The following DAB1 variants were observed in gnomAD, a reference collection of about 807,000 sequenced individuals.
The protein encoded by DAB1 is DAB adaptor protein 1.
A neutral mutation model predicts 64.6 loss-of-function variants in DAB1; 15 were observed. That is an observed-to-expected ratio of 0.23 (90% confidence interval 0.16 to 0.36). The LOEUF (loss-of-function observed/expected upper bound fraction) is 0.36, where lower values mean the gene tolerates loss of function less well. DAB1 is among the 10% of genes least tolerant of loss of function. The probability of loss-of-function intolerance (pLI) is 1.00; values close to 1 mark genes in which losing one functional copy is unlikely to be tolerated. For synonymous variants in DAB1, 235 were observed against 251.9 expected, an observed-to-expected ratio of 0.93 and a Z score of 0.64; for missense variants, 596 against 706.7, an observed-to-expected ratio of 0.84 and a Z score of 1.78.
intron 1 of DAB1, among the ~76,000 whole-genome samples, chr1:58,535,456 C>T (rs1452155902): frequency 9.2e-5 from 14 of 151,922 alleles, no homozygotes; most frequent in African/African-American, 1.5e-4. Context: ...ATTGGCCAGG[C>T]GTGGTGGCGC....
At chr1:58,103,890 C>T (rs1651478022) in intron 5 of DAB1, among the ~76,000 whole-genome samples, 1 of 152,122 alleles carries the variant, frequency 6.6e-6, no homozygotes, top group Admixed American at 6.5e-5. Context: ...TGTACATTTT[C>T]TTCGTGGAGG....
intron 3 of DAB1, among the ~76,000 whole-genome samples, chr1:58,372,324 T>C (rs1338120294): frequency 3.3e-5 from 5 of 152,228 alleles, no homozygotes; most frequent in African/African-American, 4.8e-5. Flanking sequence ...TGGATTTGCA[T>C]AGGGCCTGTG....
chr1:57,974,765 C>T (rs1645880031), intron 5 of DAB1, among the ~76,000 whole-genome samples: 1 of 152,198 alleles, frequency 6.6e-6, no homozygotes, highest in African/African-American at 2.4e-5. Flanking sequence ...TATGTGTCCA[C>T]TGTTTTTACA....
In DAB1 at chr1:57,483,045, A is replaced by C. The variant is rs1382041722; in HGVS notation, n.625+166547T>G. Among the ~76,000 whole-genome samples, 3 of 152,248 alleles carry C rather than the reference A, an allele frequency of 2.0e-5. No individual in the cohort carries two copies. In the East Asian group the frequency reaches 5.8e-4, roughly 29 times the overall value. On this transcript the variant is annotated intron_variant and non_coding_transcript_variant, in intron 7 of 20. Transcript: ENST00000485760. ...GTGGAGGATTGCTTATGATATCTTA[A>C]ATAGAAAAGTAGAATATAAATTGAA...
intron 2 of DAB1, among the ~76,000 whole-genome samples, chr1:57,189,990 C>T (rs1170812353): frequency 6.6e-6 from 1 of 152,098 alleles, no homozygotes; most frequent in Non-Finnish European, 1.5e-5. Flanking sequence ...GCACCTGAGG[C>T]ACAGTGTTCA....
intron 11 of DAB1, among the ~76,000 whole-genome samples, chr1:57,019,928 A>G (rs1345287979): frequency 6.6e-6 from 1 of 152,248 alleles, no homozygotes; most frequent in Non-Finnish European, 1.5e-5. Flanking sequence ...AAAAAAAGGC[A>G]GACTGAAATA....
intron 3 of DAB1, among the ~76,000 whole-genome samples, chr1:58,350,370 G>A (rs189072667): frequency 1.1e-3 from 166 of 152,216 alleles, no homozygotes; most frequent in African/African-American, 3.9e-3. Flanking sequence ...TTTGTCAGGC[G>A]GATAGATTGT....
intron 7 of DAB1, among the ~76,000 whole-genome samples, chr1:57,522,065 G>A (rs751284841): frequency 9.2e-5 from 14 of 151,884 alleles, no homozygotes; most frequent in Non-Finnish European, 1.2e-4. Flanking sequence ...AGCTGAGATC[G>A]TGCCACTGCA....
chr1:57,106,841 G>A (rs1557732065), intron 4 of DAB1, among the ~76,000 whole-genome samples: 1 of 152,110 alleles, frequency 6.6e-6, no homozygotes, highest in East Asian at 1.9e-4. Context: ...ATTGATAGAG[G>A]GAGAGATCCA....
chr1:57,495,682 T>C (rs1016166008), intron 7 of DAB1, among the ~76,000 whole-genome samples: 1 of 152,218 alleles, frequency 6.6e-6, no homozygotes, highest in African/African-American at 2.4e-5. Flanking sequence ...TTATGAAATA[T>C]GGTATAGGGT....
intron 2 of DAB1, among the ~76,000 whole-genome samples, chr1:57,165,303 T>C (rs1016165394): frequency 5.3e-5 from 8 of 152,216 alleles, no homozygotes; most frequent in African/African-American, 1.7e-4. Context: ...GCCTTGCTAA[T>C]TTCAAAAAAG....
chr1:57,009,216 C>T (rs976377374), intron 14 of DAB1, among the ~76,000 whole-genome samples: 2 of 152,120 alleles, frequency 1.3e-5, no homozygotes, highest in Admixed American at 6.5e-5. Context: ...ACAACTTAGG[C>T]GGGGGGTAAA....
At chr1:57,710,310 T>C (rs1372976049) in intron 6 of DAB1, among the ~76,000 whole-genome samples, 3 of 152,208 alleles carry the variant, frequency 2.0e-5, no homozygotes, top group African/African-American at 4.8e-5. Context: ...GGGTCAATTT[T>C]ATTTGTTTAG....
chr1:57,413,254 A>G (rs1684247539), intron 1 of DAB1, among the ~76,000 whole-genome samples: 1 of 152,196 alleles, frequency 6.6e-6, no homozygotes, highest in African/African-American at 2.4e-5. Context: ...GTTCTAATGA[A>G]GACATACAAG....
At position 57,605,073 on chromosome 1, in the gene DAB1, C is replaced by T. The variant is rs554050385; in HGVS notation, n.625+44519G>A. Among the ~76,000 whole-genome samples, 328 of 152,122 alleles carry T rather than the reference C, an allele frequency of 2.2e-3. 1 individual carries two copies. The highest frequency in any genetic ancestry group is 0.014 in the Middle Eastern group (4 of 294). On this transcript the variant is annotated intron_variant and non_coding_transcript_variant, in intron 7 of 20. Coordinates refer to the DAB1 transcript ENST00000485760. ...AAAGTTATTTGGGAAGTGGGGTGCACGAACCACTCTGGGGAGATGATGTTT... is the reference window on the plus strand; with the variant it reads ...AAAGTTATTTGGGAAGTGGGGTGCATGAACCACTCTGGGGAGATGATGTTT...
intron 7 of DAB1, among the ~76,000 whole-genome samples, chr1:57,516,467 C>A (rs1385979190): frequency 6.6e-6 from 1 of 152,158 alleles, no homozygotes; most frequent in Non-Finnish European, 1.5e-5. Context: ...GCTGCCATTT[C>A]AAATTTTTCT....
chr1:58,176,769 G>A (rs969477376), intron 4 of DAB1, among the ~76,000 whole-genome samples: 9 of 152,154 alleles, frequency 5.9e-5, no homozygotes, highest in Non-Finnish European at 1.2e-4. Context: ...CACAAGGTCA[G>A]GAGATTGAAA....
At chr1:58,349,665 G>A (rs966575720) in intron 3 of DAB1, among the ~76,000 whole-genome samples, 4 of 151,898 alleles carry the variant, frequency 2.6e-5, no homozygotes, top group African/African-American at 7.3e-5. Context: ...GTGTCCATGT[G>A]TTCTCATTGC....
At chr1:57,898,772 A>C (rs189638800) in intron 5 of DAB1, among the ~76,000 whole-genome samples, 1 of 152,300 alleles carries the variant, frequency 6.6e-6, no homozygotes, top group African/African-American at 2.4e-5. Flanking sequence ...GGATTAAATG[A>C]ATTAAGACTT....
Sources: gnomAD v4.1 joint callset for allele counts (sites outside exome capture counted in the v4.1 genomes callset) on GRCh38, gnomAD v4.1.1 for gene constraint, MANE v1.5 for transcripts, NCBI Gene and HGNC (gene_info 2026-07-23, HGNC 2026-07-21) for gene names.